The following CHODL variants were observed in gnomAD, a reference collection of about 807,000 sequenced individuals.
The protein encoded by CHODL is chondrolectin.
CHODL carries 29 observed loss-of-function variants against 34.5 expected under a neutral mutation model. The observed-to-expected ratio is 0.84, with a 90% CI of 0.63 to 1.15. The LOEUF (loss-of-function observed/expected upper bound fraction) is 1.15, where lower values mean the gene tolerates loss of function less well. Among genes scored for constraint, CHODL ranks in the 50% most tolerant of loss-of-function variants. The probability of loss-of-function intolerance (pLI) is 0.00; values close to 1 mark genes in which losing one functional copy is unlikely to be tolerated. For missense variants in CHODL, 332 were observed against 332.5 expected (o/e 1.00, Z 0.01); for synonymous variants, 125 against 116.1 (o/e 1.08, Z -0.49).
At chr21:17,972,793 T>C in intron 1 of CHODL, among the ~76,000 whole-genome samples, 1 of 152,200 alleles carries the variant, frequency 6.6e-6, no homozygotes, top group East Asian at 1.9e-4. Context: ...AAAAAACTAC[T>C]TCAAATTTCA....
At chr21:17,925,207 G>T (rs1237125683) in intron 1 of CHODL, among the ~76,000 whole-genome samples, 2 of 152,182 alleles carry the variant, frequency 1.3e-5, no homozygotes, top group African/African-American at 4.8e-5. Context: ...ACCTCTAGTG[G>T]TCACTCTAGT....
At chr21:17,964,522 G>A (rs1012047555) in intron 1 of CHODL, among the ~76,000 whole-genome samples, 1 of 152,106 alleles carries the variant, frequency 6.6e-6, no homozygotes, top group Non-Finnish European at 1.5e-5. Flanking sequence ...AGAGTAAGTG[G>A]GTATATATAT....
At chr21:18,005,867 T>A (rs374395071) in intron 1 of CHODL, among the ~76,000 whole-genome samples, 4 of 152,164 alleles carry the variant, frequency 2.6e-5, no homozygotes, top group African/African-American at 9.7e-5. Flanking sequence ...GAATAGCTAA[T>A]GGATGCTGGG....
chr21:18,046,278 C>A (rs948447277), intron 2 of CHODL, among the ~76,000 whole-genome samples: 3 of 151,908 alleles, frequency 2.0e-5, no homozygotes, highest in Non-Finnish European at 4.4e-5. Context: ...CTAGAGAATT[C>A]TTTGGTGTAC....
At chr21:18,031,082 T>G (rs1229401443) in intron 2 of CHODL, among the ~76,000 whole-genome samples, 1 of 152,138 alleles carries the variant, frequency 6.6e-6, no homozygotes, top group Non-Finnish European at 1.5e-5. Flanking sequence ...GCAGTCAAAA[T>G]TTTGGTTCAT....
At chr21:18,138,300 C>A (rs1334652733) in intron 2 of CHODL, among the ~76,000 whole-genome samples, 1 of 151,882 alleles carries the variant, frequency 6.6e-6, no homozygotes, top group Non-Finnish European at 1.5e-5. Flanking sequence ...TTCAATGCAT[C>A]TTTAACTTAA....
intron 2 of CHODL, among the ~76,000 whole-genome samples, chr21:18,192,807 A>G (rs1165427587): frequency 6.6e-6 from 1 of 152,178 alleles, no homozygotes; most frequent in African/African-American, 2.4e-5. Flanking sequence ...TCTTTAGAAC[A>G]AAGTAATCCC....
At chr21:18,231,011 A>G (rs905112249) in intron 2 of CHODL, among the ~76,000 whole-genome samples, 9 of 152,120 alleles carry the variant, frequency 5.9e-5, no homozygotes, top group African/African-American at 2.2e-4. Flanking sequence ...ATTTGATTCA[A>G]TTCAACCAAT....
chr21:17,979,932 A>C (rs916960515), intron 1 of CHODL, among the ~76,000 whole-genome samples: 2 of 152,174 alleles, frequency 1.3e-5, no homozygotes, highest in African/African-American at 4.8e-5. Context: ...TCGTGATGTC[A>C]GGGGTGCCTC....
At chr21:18,246,800 C>G (rs1436341788) in intron 1 of CHODL, among the ~76,000 whole-genome samples, 2 of 152,086 alleles carry the variant, frequency 1.3e-5, no homozygotes, top group Admixed American at 1.3e-4. Context: ...AAAGTAAAAA[C>G]AGAGCTTAAA....
intron 1 of CHODL, among the ~76,000 whole-genome samples, chr21:18,016,847 G>C (rs1345311735): frequency 2.6e-5 from 4 of 152,240 alleles, no homozygotes; most frequent in African/African-American, 9.6e-5. Flanking sequence ...CATCAGTGTG[G>C]CTTGGATGTG....
chr21:18,038,471 G>T (rs1296967153), intron 2 of CHODL, among the ~76,000 whole-genome samples: 2 of 151,686 alleles, frequency 1.3e-5, no homozygotes, highest in East Asian at 3.9e-4. Context: ...TATAGTTTTA[G>T]CTGGACTCTA....
chr21:17,940,184 C>G (rs531609274), intron 1 of CHODL, among the ~76,000 whole-genome samples: 7 of 152,174 alleles, frequency 4.6e-5, no homozygotes, highest in Non-Finnish European at 7.3e-5. Flanking sequence ...TCAGGGATTT[C>G]ACTTCTAGAT....
intron 2 of CHODL, among the ~76,000 whole-genome samples, chr21:18,048,001 C>T (rs1335312032): frequency 3.3e-5 from 5 of 151,858 alleles, no homozygotes; most frequent in Admixed American, 6.6e-5. Context: ...GTCTACAGAA[C>T]GTTATACATT....
intron 1 of CHODL, among the ~76,000 whole-genome samples, chr21:18,005,847 G>C (rs1222867042): frequency 6.6e-6 from 1 of 152,174 alleles, no homozygotes; most frequent in Non-Finnish European, 1.5e-5. Flanking sequence ...GGAAGGGAGA[G>C]CATCAGGCAG....
chr21:18,206,731 T>C (rs1379384768), intron 2 of CHODL, among the ~76,000 whole-genome samples: 1 of 151,918 alleles, frequency 6.6e-6, no homozygotes, highest in Non-Finnish European at 1.5e-5. Context: ...TCCTCTTCCT[T>C]CTTTACTTCT....
chr21:18,119,786 T>A (rs1358617215), intron 2 of CHODL, among the ~76,000 whole-genome samples: 1 of 152,104 alleles, frequency 6.6e-6, no homozygotes, highest in African/African-American at 2.4e-5. Flanking sequence ...ATATGAGCAT[T>A]GGAAGGAACC....
In CHODL at chr21:18,194,063, T is replaced by C. The variant is rs557245558; in HGVS notation, c.-44-62446T>C. 1.1e-4 allele frequency among the ~76,000 whole-genome samples: 17 copies of C among 152,160 alleles called. 1 individual carries two copies. In the South Asian group the frequency reaches 3.3e-3, roughly 30 times the overall value. ...ACACACCTCTTTCCATTGCCACTGC[T>C]ACCCCCCTGTGAAAAACACAACGAT... On this transcript the variant is annotated intron_variant, in intron 2 of 6. Transcript: ENST00000400127.
intron 2 of CHODL, among the ~76,000 whole-genome samples, chr21:18,185,114 GCTGCACCCATCAA>G (rs1258367398): frequency 3.9e-5 from 6 of 152,020 alleles, no homozygotes; most frequent in Non-Finnish European, 4.4e-5. Flanking sequence ...ATGGTGGTTT[GCTGCACCCATCAA>G]CCTGTCATCT....
Sources: allele counts gnomAD v4.1 joint callset (sites outside exome capture counted in the v4.1 genomes callset), GRCh38; gene constraint gnomAD v4.1.1; transcripts MANE v1.5; gene names NCBI Gene and HGNC (gene_info 2026-07-23, HGNC 2026-07-21).